Variants in B3GAT3 observed in about 807,000 individuals in gnomAD.
B3GAT3 encodes beta-1,3-glucuronyltransferase 3.
B3GAT3 carries 19 observed loss-of-function variants against 33.1 expected under a neutral mutation model. That is an observed-to-expected ratio of 0.57 (90% CI 0.40 to 0.84). The LOEUF (loss-of-function observed/expected upper bound fraction) is 0.84, where lower values mean the gene tolerates loss of function less well. Ranked by LOEUF, B3GAT3 falls within the 40% of genes least tolerant of loss-of-function variation. B3GAT3 has a pLI of 0.00. For synonymous variants in B3GAT3, 167 were observed against 193.5 expected, an observed-to-expected ratio of 0.86 and a Z score of 1.14; for missense variants, 344 against 441.5, an observed-to-expected ratio of 0.78 and a Z score of 1.98.
chr11:62,616,344 C>T, intron 4 of B3GAT3, 162 bp downstream of exon 4: 1 of 1,062,820 alleles, frequency 9.4e-7, no homozygotes, highest in Non-Finnish European at 1.4e-6. Flanking sequence ...ACCACTTTCC[C>T]CCGCTAGTTC....
In B3GAT3 at chr11:62,619,890, G is replaced by C. The variant is rs1943112944; in HGVS notation, c.257+607C>G. Among the ~76,000 whole-genome samples, 3 of 151,604 alleles carry C rather than the reference G, an allele frequency of 2.0e-5. No individual in the cohort carries two copies. In the South Asian group the frequency reaches 6.3e-4, roughly 32 times the overall value. ...GGGGGTTTTAACTTTCTTGCCAAACGGTCCCTAAGGAGAGAGAGTTAATTC... is the reference window on the plus strand; with the variant it reads ...GGGGGTTTTAACTTTCTTGCCAAACCGTCCCTAAGGAGAGAGAGTTAATTC... On this transcript the variant is annotated intron_variant, in intron 2 of 4. Coordinates refer to ENST00000265471, the MANE Select transcript of B3GAT3 (RefSeq NM_012200.4).
Position 62,620,532 on chromosome 11 carries a change from C to T in B3GAT3, c.222G>A (p.Leu74=), listed in dbSNP as rs1442179220. 1.9e-6 allele frequency: 3 copies of T among 1,612,638 alleles called. No individual in the cohort carries two copies. The highest frequency in any genetic ancestry group is 1.3e-5 in the African/African-American group (1 of 74,882). Reference sequence around the variant, plus strand: ...TGGGGGTAACAACATAGATAGTAGGCAGGGCCTCGGGTTCAGGGGGCTGGG... The same window carrying T: ...TGGGGGTAACAACATAGATAGTAGGTAGGGCCTCGGGTTCAGGGGGCTGGG... The part of the protein sequence containing the change: ...APAQPPEPEA[L]PTIYVVTPTY... The change falls in exon 2 of 5, where the codon CTG becomes CTA. Residue 74 remains leucine (L), a synonymous_variant. Coordinates refer to ENST00000265471, the MANE Select transcript of B3GAT3 (RefSeq NM_012200.4).
intron 2 of B3GAT3, among the ~76,000 whole-genome samples, chr11:62,617,769 T>C (rs1280213627): frequency 6.6e-6 from 1 of 150,396 alleles, no homozygotes; most frequent in Non-Finnish European, 1.5e-5. Flanking sequence ...CTCAGCTACT[T>C]GGGAGGCTGA....
chr11:62,619,220 G>A (rs893323441), intron 2 of B3GAT3, among the ~76,000 whole-genome samples: 2 of 151,860 alleles, frequency 1.3e-5, no homozygotes, highest in Non-Finnish European at 2.9e-5. Flanking sequence ...CGTGGGGCTT[G>A]GCCTCTTCTG....
At chr11:62,621,720 T>G in intron 1 of B3GAT3, 146 bp downstream of exon 1, 1 of 852,816 alleles carries the variant, frequency 1.2e-6, no homozygotes, top group Non-Finnish European at 1.8e-6. Flanking sequence ...GTGCGTTCTA[T>G]AGAGGGCAGT....
chr11:62,621,468 A>G (rs889268727), intron 1 of B3GAT3, among the ~76,000 whole-genome samples: 4 of 152,164 alleles, frequency 2.6e-5, no homozygotes, highest in Non-Finnish European at 4.4e-5. Context: ...AGGATGAGAA[A>G]GAGGCAGCCC....
chr11:62,620,628 C>G lies in B3GAT3; in HGVS notation c.126G>C (p.Glu42Asp), dbSNP rs1188079745. Reference protein sequence around the residue: ...DCLPPLRAAAEQLRQKDLRIS... With the variant: ...DCLPPLRAAADQLRQKDLRIS... ...TCCTCAGATCCTTCTGCCGTAGCTG[C>G]TCGGCTGCTGCCCGCAGGGGAGGAA... The change falls in exon 2 of 5, where the codon GAG (glutamate) becomes GAC (aspartate). Residue 42 changes from glutamate (E) to aspartate (D), a missense_variant. Glu to Asp is a conservative substitution (Grantham distance 45). Coordinates refer to ENST00000265471, the MANE Select transcript of B3GAT3 (RefSeq NM_012200.4). 6.8e-6 allele frequency: 11 copies of G among 1,612,506 alleles called. No individual in the cohort carries two copies. Among genetic ancestry groups the G allele is most frequent in the African/African-American group, 6.7e-5 (5 of 75,044 alleles).
chr11:62,621,936 C>A lies in B3GAT3; in HGVS notation c.12G>T (p.Lys4Asn). Residue 4 changes from lysine to asparagine, a missense_variant, in exon 1 of 5, where the codon AAG becomes AAT. Coordinates refer to ENST00000265471, the MANE Select transcript of B3GAT3 (RefSeq NM_012200.4). The stretch of plus-strand genomic sequence containing the variant: ...AGTAGGCGAGAAACACGTTCTTCAG[C>A]TTCAGCTTCATGGCCGCGCCGCCGC... MKL[K>N]LKNVFLAYFL... The A allele has an allele frequency of 6.2e-7, 1 of 1,613,018 alleles. No individual in the cohort carries two copies. Among genetic ancestry groups the A allele is most frequent in the Non-Finnish European group, 8.5e-7 (1 of 1,179,350 alleles).
At chr11:62,621,745 A>T in intron 1 of B3GAT3, 121 bp downstream of exon 1, 2 of 1,101,222 alleles carry the variant, frequency 1.8e-6, no homozygotes, top group East Asian at 5.2e-5. Flanking sequence ...CTGAGGCCGC[A>T]GAGCTGTCCG....
intron 3 of B3GAT3, 82 bp from the exon 4 acceptor site, chr11:62,616,878 C>G (rs1943040534): frequency 6.2e-7 from 1 of 1,611,822 alleles, no homozygotes; most frequent in South Asian, 1.1e-5. Flanking sequence ...TCACTCTGCC[C>G]CACTGCTTCC....
intron 2 of B3GAT3, among the ~76,000 whole-genome samples, chr11:62,617,969 A>T (rs960371811): frequency 1.3e-5 from 2 of 151,886 alleles, no homozygotes; most frequent in Admixed American, 1.3e-4. Context: ...TGAGGTTAGG[A>T]GTTCGAGACC....
In B3GAT3 at chr11:62,621,283, G is replaced by C. The variant is rs145129110; in HGVS notation, c.82+583C>G. 250 of 456,540 alleles carry C rather than the reference G, an allele frequency of 5.5e-4. 2 individuals are homozygous for C. Among genetic ancestry groups the C allele is most frequent in the African/African-American group, 4.2e-3 (211 of 50,162 alleles). The allele number at this position is 456,540 out of a possible 1,614,324, so 28.3% of individuals were successfully genotyped here. A position where few individuals can be genotyped will look rare whatever the true frequency, so the allele number is the denominator to read the frequency against. On this transcript the variant is annotated intron_variant, in intron 1 of 4. Coordinates refer to ENST00000265471, the MANE Select transcript of B3GAT3 (RefSeq NM_012200.4). The stretch of plus-strand genomic sequence containing the variant: ...CTCATCGAGCTTTCTGTTTAGTGGA[G>C]GAAGCAGACACTAAGCAAAGAAACA...
chr11:62,617,479 C>G, intron 2 of B3GAT3, 132 bp from the exon 3 acceptor site: 2 of 1,250,050 alleles, frequency 1.6e-6, no homozygotes, highest in Non-Finnish European at 1.1e-6. Context: ...TAAACTCCCT[C>G]TTTCTTGCCT....
rs5792264 is a variant in B3GAT3, at chr11:62,619,699, C to CTTTTTTTTT, written c.257+789_257+797dup. Among the ~76,000 whole-genome samples, 95 of 85,704 alleles carry CTTTTTTTTT rather than the reference C, an allele frequency of 1.1e-3. 22 individuals carry two copies. The highest frequency in any genetic ancestry group is 1.8e-3 in the East Asian group (4 of 2,182). The allele number at this position is 85,704 out of a possible 152,430, so 56.2% of individuals were successfully genotyped here. ...GGCATGCACCATCACGCCTAGCTAA[C>CTTTTTTTTT]TTTTTTTTTTTTTTTTTTTTTTTTT... is the stretch of plus-strand genomic sequence containing the variant. On this transcript the variant is annotated intron_variant, in intron 2 of 4. Coordinates refer to ENST00000265471, the MANE Select transcript of B3GAT3 (RefSeq NM_012200.4).
Position 62,616,701 on chromosome 11 carries a change from G to A in B3GAT3, c.714C>T (p.Gly238=). 6.2e-7 allele frequency: 1 copy of A among 1,614,162 alleles called. No individual in the cohort carries two copies. The highest frequency in any genetic ancestry group is 8.5e-7 in the Non-Finnish European group (1 of 1,180,020). ...GPQVQDGRVV[G]FHTAWEPSRP... ...TGCTGGGCTCCCATGCTGTGTGGAA[G>A]CCCACTACCCGGCCGTCCTGTACCT... Residue 238 remains glycine, a synonymous_variant, in exon 4 of 5, where the codon GGC becomes GGT. Coordinates refer to ENST00000265471, the MANE Select transcript of B3GAT3 (RefSeq NM_012200.4).
intron 1 of B3GAT3, 142 bp downstream of exon 1, chr11:62,621,724 G>A (rs1943148212): frequency 3.4e-6 from 3 of 876,656 alleles, no homozygotes; most frequent in Non-Finnish European, 5.2e-6. Flanking sequence ...GTTCTATAGA[G>A]GGCAGTGCGC....
chr11:62,621,083 A>G, intron 1 of B3GAT3: 1 of 465,702 alleles, frequency 2.1e-6, no homozygotes, highest in South Asian at 1.5e-5. Flanking sequence ...CACTGTCCCT[A>G]AATCTTTGCA....
Position 62,617,800 on chromosome 11 carries a change from C to A in B3GAT3, c.258-453G>T, listed in dbSNP as rs572371196. Among the ~76,000 whole-genome samples, 491 of 151,114 alleles carry A rather than the reference C, an allele frequency of 3.2e-3. 3 individuals carry two copies. The highest frequency in any genetic ancestry group is 0.011 in the African/African-American group (461 of 41,056). On this transcript the variant is annotated intron_variant, in intron 2 of 4. Transcript: ENST00000265471. ...GCTGAGGCAGGAGAATCGCTTGAAC[C>A]TGGAAGGAGGAGGTTGGAGTGAGCT...
In B3GAT3 at chr11:62,617,093, C is replaced by A; in HGVS notation, c.512G>T (p.Arg171Ile). Residue 171 changes from arginine to isoleucine, a missense_variant, in exon 3 of 5, where the codon AGA (arginine) becomes ATA (isoleucine). Arg to Ile is a moderately conservative substitution (Grantham distance 97). Coordinates refer to ENST00000265471, the MANE Select transcript of B3GAT3 (RefSeq NM_012200.4). ...RNKALDWLRG[R>I]GGAVGGEKDP... Reference sequence around the variant, plus strand: ...CTTCTCCCCACCCACAGCACCCCCTCTGCCCCGGAGCCAGTCCAGGGCCTT... The same window carrying A: ...CTTCTCCCCACCCACAGCACCCCCTATGCCCCGGAGCCAGTCCAGGGCCTT... The A allele has an allele frequency of 6.2e-7, 1 of 1,614,136 alleles. No individual in the cohort carries two copies. Among genetic ancestry groups the A allele is most frequent in the South Asian group, 1.1e-5 (1 of 91,088 alleles).
Sources: gnomAD v4.1 joint callset for allele counts (sites outside exome capture counted in the v4.1 genomes callset) on GRCh38, gnomAD v4.1.1 for gene constraint, MANE v1.5 for transcripts, NCBI Gene and HGNC (gene_info 2026-07-23, HGNC 2026-07-21) for gene names.